Variants in SPHK1 observed in about 807,000 individuals in gnomAD.
SPHK1 encodes SK 1.
A neutral mutation model predicts 14.6 loss-of-function variants in SPHK1; 10 were observed. The ratio of observed to expected loss-of-function variants is 0.68; its 90% CI spans 0.42 to 1.16. The LOEUF (loss-of-function observed/expected upper bound fraction) is 1.16, where lower values mean the gene tolerates loss of function less well. Ranked by LOEUF, SPHK1 falls within the 50% of genes most tolerant of loss-of-function variation. The pLI is 0.00. For missense variants in SPHK1, 553 were observed against 525.4 expected, an observed-to-expected ratio of 1.05 and a Z score of -0.51; for synonymous variants, 274 against 224.0, an observed-to-expected ratio of 1.22 and a Z score of -1.99.
At position 76,387,384 on chromosome 17, in the gene SPHK1, AC is replaced by A; in HGVS notation, c.954del (p.Leu319TrpfsTer26). 1 of 1,613,852 alleles carries A rather than the reference AC, an allele frequency of 6.2e-7. No homozygotes were observed. The highest frequency in any genetic ancestry group is 8.5e-7 in the Non-Finnish European group (1 of 1,180,016). ...AGGCATATGGAGTATGAATGCCCCT[AC>A]TTGGTATATGTGCCCGTGGTCGCCT... ...KGRHMEYECP[Y>X]LVYVPVVAFR... On this transcript the variant is annotated frameshift_variant, in exon 6 of 6. Coordinates refer to ENST00000592299, the MANE Select transcript of SPHK1 (RefSeq NM_001142601.2). LOFTEE classifies it low-confidence loss of function (END_TRUNC). This position sits in a 1 kb window ranked among gnomAD's most constrained non-coding sequence, Gnocchi z 4.1.
In SPHK1 at chr17:76,386,851, A is replaced by G; in HGVS notation, c.420A>G (p.Leu140=). Residue 140 remains leucine, a synonymous_variant, in exon 6 of 6, where the codon CTA becomes CTG. Coordinates refer to ENST00000592299, the MANE Select transcript of SPHK1 (RefSeq NM_001142601.2). This position sits in a 1 kb window ranked among gnomAD's most constrained non-coding sequence, Gnocchi z 5.3. ...TNEDLLTNCT[L]LLCRRLLSPM... is the part of the protein sequence containing the mutation. ...AAGACCTCCTGACCAACTGCACGCT[A>G]TTGCTGTGCCGCCGGCTGCTGTCAC... The G allele has an allele frequency of 3.8e-6, 6 of 1,592,854 alleles. No homozygotes were observed. The highest frequency in any genetic ancestry group is 5.1e-6 in the Non-Finnish European group (6 of 1,168,042).
rs745518483 is a variant in SPHK1, at chr17:76,385,991, G to A, written c.17G>A (p.Gly6Asp). The A allele has an allele frequency of 2.5e-6, 4 of 1,598,034 alleles. No homozygotes were observed. In the East Asian group the frequency reaches 9.0e-5, roughly 36 times the overall value. Residue 6 changes from glycine to aspartate, a missense_variant, in exon 3 of 6, where the codon GGC becomes GAC. Transcript: ENST00000592299. The surrounding 1 kb of genome is among the most constrained non-coding windows in gnomAD (Gnocchi z 5.3). ...TTTGGTTTTGTTTTCTCAGCGGGCG[G>A]CCCCCGGGGCGTGCTCCCGCGGCCC... The part of the protein sequence containing the change: MDPAG[G>D]PRGVLPRPCR...
In SPHK1 at chr17:76,387,628, C is replaced by T. The variant is rs1212768855; in HGVS notation, c.*42C>T. 11 of 1,527,864 alleles carry T rather than the reference C, an allele frequency of 7.2e-6. No homozygotes were observed. In the South Asian group the frequency reaches 1.1e-4, roughly 16 times the overall value. The allele number at this position is 1,527,864 out of a possible 1,614,324, so 94.6% of individuals were successfully genotyped here. ...TGCCTTAGTGTCTACTTGCAGGACCCTTCCTCCTTCCCTAGGGCTGCAGGG... is the reference window on the plus strand; with the variant it reads ...TGCCTTAGTGTCTACTTGCAGGACCTTTCCTCCTTCCCTAGGGCTGCAGGG... On this transcript the variant is annotated 3_prime_UTR_variant, in exon 6 of 6. Coordinates refer to ENST00000592299, the MANE Select transcript of SPHK1 (RefSeq NM_001142601.2). The surrounding 1 kb of genome is among the most constrained non-coding windows in gnomAD (Gnocchi z 4.1).
chr17:76,386,937 T>A lies in SPHK1; in HGVS notation c.506T>A (p.Leu169Gln), dbSNP rs1195339841. Residue 169 changes from leucine to glutamine, a missense_variant, in exon 6 of 6, where the codon CTG (leucine) becomes CAG (glutamine). By Grantham distance (113) the Leu-to-Gln change is moderately radical (BLOSUM62 -2). Transcript: ENST00000592299. The surrounding 1 kb of genome is among the most constrained non-coding windows in gnomAD (Gnocchi z 5.3). ...CTGCGCCTCTTCTCTGTGCTCAGCC[T>A]GGCCTGGGGCTTCATTGCTGATGTG... Reference protein sequence around the residue: ...SGLRLFSVLSLAWGFIADVDL... With the variant: ...SGLRLFSVLSQAWGFIADVDL... 1 of 1,613,320 alleles carries A rather than the reference T, an allele frequency of 6.2e-7. No individual in the cohort carries two copies. The highest frequency in any genetic ancestry group is 1.7e-5 in the Admixed American group (1 of 59,984).
chr17:76,385,478 G>A lies in SPHK1; in HGVS notation c.-167G>A, dbSNP rs1026785280. ...CCAGCCGCCGCAGGGAATGACGCCG[G>A]TGCTCCTGCAGCCACGGCTCCGGGC... is the stretch of plus-strand genomic sequence containing the variant. On this transcript the variant is annotated 5_prime_UTR_variant, in exon 2 of 6. In the 5' UTR this introduces an upstream ATG that the reference lacks. Transcript: ENST00000592299. The surrounding 1 kb of genome is among the most constrained non-coding windows in gnomAD (Gnocchi z 5.3). 3 of 1,560,100 alleles carry A rather than the reference G, an allele frequency of 1.9e-6. No individual in the cohort carries two copies. Among genetic ancestry groups the A allele is most frequent in the Admixed American group, 1.8e-5 (1 of 55,378 alleles).
Position 76,386,042 on chromosome 17 carries a change from C to T in SPHK1, c.68C>T (p.Pro23Leu). Reference protein sequence around the residue: ...RPCRVLVLLNPRGGKGKALQL... With the variant: ...RPCRVLVLLNLRGGKGKALQL... ...TGCCGCGTGCTGGTGCTGCTGAACCCGCGCGGCGGCAAGGGCAAGGCCTTG... is the reference window on the plus strand; with the variant it reads ...TGCCGCGTGCTGGTGCTGCTGAACCTGCGCGGCGGCAAGGGCAAGGCCTTG... The change falls in exon 3 of 6, where the codon CCG (proline) becomes CTG (leucine). Residue 23 changes from proline to leucine, a missense_variant. Coordinates refer to ENST00000592299, the MANE Select transcript of SPHK1 (RefSeq NM_001142601.2). The surrounding 1 kb of genome is among the most constrained non-coding windows in gnomAD (Gnocchi z 5.3). 3.7e-6 allele frequency: 6 copies of T among 1,608,044 alleles called. No individual in the cohort carries two copies. Among genetic ancestry groups the T allele is most frequent in the Non-Finnish European group, 5.1e-6 (6 of 1,177,232 alleles).
In SPHK1 at chr17:76,385,198, A is replaced by G; in HGVS notation, c.-194-253A>G. ...AGGAGCTAGTCCGTCGGAGGGAGCCACGGGGCTCTGACTCATCCGTCGGGC... is the reference window on the plus strand; with the variant it reads ...AGGAGCTAGTCCGTCGGAGGGAGCCGCGGGGCTCTGACTCATCCGTCGGGC... On this transcript the variant is annotated intron_variant, in intron 1 of 5. Transcript: ENST00000592299. The surrounding 1 kb of genome is among the most constrained non-coding windows in gnomAD (Gnocchi z 5.3). The G allele has an allele frequency of 6.4e-7, 1 of 1,566,754 alleles. No individual in the cohort carries two copies. Among genetic ancestry groups the G allele is most frequent in the African/African-American group, 1.3e-5 (1 of 74,200 alleles).
At position 76,387,401 on chromosome 17, in the gene SPHK1, G is replaced by T. The variant is rs150432331; in HGVS notation, c.970G>T (p.Val324Leu). 1.2e-6 allele frequency: 2 copies of T among 1,613,828 alleles called. No homozygotes were observed. Among genetic ancestry groups the T allele is most frequent in the Non-Finnish European group, 1.7e-6 (2 of 1,179,988 alleles). ...ATGCCCCTACTTGGTATATGTGCCCGTGGTCGCCTTCCGCTTGGAGCCCAA... is the reference window on the plus strand; with the variant it reads ...ATGCCCCTACTTGGTATATGTGCCCTTGGTCGCCTTCCGCTTGGAGCCCAA... Reference protein sequence around the residue: ...YECPYLVYVPVVAFRLEPKDG... With the variant: ...YECPYLVYVPLVAFRLEPKDG... Residue 324 changes from valine to leucine, a missense_variant, in exon 6 of 6, where the codon GTG becomes TTG. By Grantham distance (32) the Val-to-Leu change is conservative (BLOSUM62 1). Coordinates refer to ENST00000592299, the MANE Select transcript of SPHK1 (RefSeq NM_001142601.2). This position sits in a 1 kb window ranked among gnomAD's most constrained non-coding sequence, Gnocchi z 4.1.
chr17:76,387,083 G>A lies in SPHK1; in HGVS notation c.652G>A (p.Val218Met), dbSNP rs754207332. Residue 218 changes from valine (V) to methionine (M), a missense_variant, in exon 6 of 6, where the codon GTG becomes ATG. By Grantham distance (21) the Val-to-Met change is conservative. Coordinates refer to ENST00000592299, the MANE Select transcript of SPHK1 (RefSeq NM_001142601.2). This position sits in a 1 kb window ranked among gnomAD's most constrained non-coding sequence, Gnocchi z 4.1. ...GRLAYLPVGR[V>M]GSKTPASPVV... is the part of the protein sequence containing the mutation. ...ACTGGCCTACCTCCCTGTAGGAAGA[G>A]TGGGTTCCAAGACACCTGCCTCCCC... 2.5e-6 allele frequency: 4 copies of A among 1,613,404 alleles called. No homozygotes were observed. The highest frequency in any genetic ancestry group is 2.5e-6 in the Non-Finnish European group (3 of 1,180,048).
chr17:76,385,868 C>G lies in SPHK1; in HGVS notation c.11-117C>G. 1.3e-6 allele frequency: 2 copies of G among 1,487,348 alleles called. No individual in the cohort carries two copies. The highest frequency in any genetic ancestry group is 1.8e-6 in the Non-Finnish European group (2 of 1,113,576). The allele number at this position is 1,487,348 out of a possible 1,614,324, so 92.1% of individuals were successfully genotyped here. ...CTCCCAGCAAAGGCCGCTCCTCTGG[C>G]CAGGGTCAATTACCGGGGTGTTTCG... On this transcript the variant is annotated intron_variant, in intron 2 of 5. Transcript: ENST00000592299. This position sits in a 1 kb window ranked among gnomAD's most constrained non-coding sequence, Gnocchi z 5.3.
chr17:76,383,829 G>C (rs905968272), upstream of SPHK1: 8 of 1,286,804 alleles, frequency 6.2e-6, no homozygotes, highest in African/African-American at 1.1e-4. Flanking sequence ...GAGCCAGAGG[G>C]GGCGGGGGGC....
chr17:76,384,221 G>C (rs1400624165), upstream of SPHK1: 1 of 153,962 alleles, frequency 6.5e-6, no homozygotes, highest in Non-Finnish European at 1.5e-5. Context: ...AGGGTCCCCC[G>C]GGAGAGCGGA....
rs2071945017 is a variant in SPHK1, at chr17:76,385,256, C to T, written c.-194-195C>T. Reference sequence around the variant, plus strand: ...GAACCCCAAGCCCCAGGGAGAAAGCCCCGGAGCAGGCGCCCTTCTCAGGGA... The same window carrying T: ...GAACCCCAAGCCCCAGGGAGAAAGCTCCGGAGCAGGCGCCCTTCTCAGGGA... On this transcript the variant is annotated intron_variant, in intron 1 of 5. Coordinates refer to ENST00000592299, the MANE Select transcript of SPHK1 (RefSeq NM_001142601.2). The surrounding 1 kb of genome is among the most constrained non-coding windows in gnomAD (Gnocchi z 5.3). 2 of 1,517,870 alleles carry T rather than the reference C, an allele frequency of 1.3e-6. No homozygotes were observed. Among genetic ancestry groups the T allele is most frequent in the Non-Finnish European group, 8.8e-7 (1 of 1,131,818 alleles). 94.0% of individuals were successfully genotyped at this position (1,517,870 alleles called of 1,614,324 possible). A position where few individuals can be genotyped will look rare whatever the true frequency, so the allele number is the denominator to read the frequency against.
Position 76,387,854 on chromosome 17 carries a change from C to T in SPHK1, c.*268C>T, listed in dbSNP as rs906399793. ...CCAAATCCAAATAAAGTGACATTCC[C>T]AGCCTGCTCGTCCTGTCCTGGTGAC... On this transcript the variant is annotated 3_prime_UTR_variant, in exon 6 of 6. Coordinates refer to ENST00000592299, the MANE Select transcript of SPHK1 (RefSeq NM_001142601.2). This position sits in a 1 kb window ranked among gnomAD's most constrained non-coding sequence, Gnocchi z 4.1. The T allele has an allele frequency of 4.5e-6, 2 of 449,276 alleles. No individual in the cohort carries two copies. The highest frequency in any genetic ancestry group is 4.0e-6 in the Non-Finnish European group (1 of 252,284). The allele number at this position is 449,276 out of a possible 1,614,324, so 27.8% of individuals were successfully genotyped here. A position where few individuals can be genotyped will look rare whatever the true frequency, so the allele number is the denominator to read the frequency against.
At position 76,385,506 on chromosome 17, in the gene SPHK1, G is replaced by A. The variant is rs1346759433; in HGVS notation, c.-139G>A. On this transcript the variant is annotated 5_prime_UTR_variant, in exon 2 of 6. Coordinates refer to ENST00000592299, the MANE Select transcript of SPHK1 (RefSeq NM_001142601.2). This position sits in a 1 kb window ranked among gnomAD's most constrained non-coding sequence, Gnocchi z 5.3. The stretch of plus-strand genomic sequence containing the variant: ...CTCCTGCAGCCACGGCTCCGGGCGG[G>A]GAAGGCGAGCCCCACAGCCGGCCCT... The A allele has an allele frequency of 3.2e-6, 5 of 1,552,796 alleles. No homozygotes were observed. The highest frequency in any genetic ancestry group is 4.3e-6 in the Non-Finnish European group (5 of 1,157,006).
Position 76,386,452 on chromosome 17 carries a change from T to TAGCC in SPHK1, c.319_322dup (p.Leu108GlnfsTer21). ...AGACCGCCATCCAGAAGCCCCTGTG[T>TAGCC]AGCCTCCCAGCAGGCTCTGGCAACG... On this transcript the variant is annotated frameshift_variant, in exon 5 of 6. Coordinates refer to ENST00000592299, the MANE Select transcript of SPHK1 (RefSeq NM_001142601.2). LOFTEE classifies it high-confidence loss of function. This position sits in a 1 kb window ranked among gnomAD's most constrained non-coding sequence, Gnocchi z 5.3. 6.2e-7 allele frequency: 1 copy of TAGCC among 1,613,070 alleles called. No homozygotes were observed. The highest frequency in any genetic ancestry group is 8.5e-7 in the Non-Finnish European group (1 of 1,179,948).
At chr17:76,383,926 C>T (rs1028048100), upstream of SPHK1, 78 of 1,177,330 alleles carry the variant, frequency 6.6e-5, no homozygotes, top group Admixed American at 1.0e-4. Flanking sequence ...TCGGAGCCCC[C>T]GGCCTGTCGC....
rs2071932446 is a variant in SPHK1, at chr17:76,384,802, A to G, written c.-199A>G. ...GGCGCCTCCCCAGCAAACCGGACCGACTGGGTAGGGCCGCCCACCCTGCCT... is the reference window on the plus strand; with the variant it reads ...GGCGCCTCCCCAGCAAACCGGACCGGCTGGGTAGGGCCGCCCACCCTGCCT... On this transcript the variant is annotated 5_prime_UTR_variant, in exon 1 of 6. Coordinates refer to ENST00000592299, the MANE Select transcript of SPHK1 (RefSeq NM_001142601.2). The G allele has an allele frequency of 7.4e-6, 2 of 271,484 alleles. No homozygotes were observed. Among genetic ancestry groups the G allele is most frequent in the South Asian group, 1.7e-4 (2 of 11,792 alleles). The allele number at this position is 271,484 out of a possible 1,614,324, so 16.8% of individuals were successfully genotyped here.
At chr17:76,384,252 G>C (rs1182164724), upstream of SPHK1, 1 of 152,210 alleles carries the variant, frequency 6.6e-6, no homozygotes, top group Non-Finnish European at 1.5e-5. Flanking sequence ...CCCGGCGCTC[G>C]CTCCGACACG....
Sources: allele counts gnomAD v4.1 joint callset, GRCh38; gene constraint gnomAD v4.1.1; non-coding constraint Gnocchi (gnomAD v3.1); transcripts MANE v1.5; gene names NCBI Gene and HGNC (gene_info 2026-07-23, HGNC 2026-07-21).